Variants in IRAG2 observed in about 807,000 individuals in gnomAD.
IRAG2 encodes the protein lymphoid restricted membrane protein.
Under a neutral mutation model 69.9 loss-of-function variants are expected in IRAG2, and 45 were observed. The observed-to-expected ratio is 0.64, with a 90% CI of 0.51 to 0.83. The LOEUF (loss-of-function observed/expected upper bound fraction) is 0.83, where lower values mean the gene tolerates loss of function less well. Ranked by LOEUF, IRAG2 falls within the 40% of genes least tolerant of loss-of-function variation. IRAG2 has a pLI of 0.00. For missense variants in IRAG2, 520 were observed against 587.0 expected (o/e 0.89, Z 1.18); for synonymous variants, 193 against 202.4 (o/e 0.95, Z 0.40).
At chr12:25,083,333 G>C in intron 9 of IRAG2, 90 bp from the exon 10 acceptor site, 1 of 805,346 alleles carries the variant, frequency 1.2e-6, no homozygotes, top group East Asian at 2.4e-5. Flanking sequence ...GTCAGTTACT[G>C]GTCAGCCCAT....
chr12:25,042,560 G>A (rs1944758919), intron 16 of IRAG2, among the ~76,000 whole-genome samples: 2 of 152,056 alleles, frequency 1.3e-5, no homozygotes, highest in Non-Finnish European at 2.9e-5. Context: ...CTGCCTCCCA[G>A]GTTCAAGTGA....
At chr12:25,023,033 G>A in intron 7 of IRAG2, among the ~76,000 whole-genome samples, 1 of 151,696 alleles carries the variant, frequency 6.6e-6, no homozygotes, top group Non-Finnish European at 1.5e-5. Context: ...GGCTGAGGCA[G>A]GAGAATCACT....
upstream of IRAG2, among the ~76,000 whole-genome samples, chr12:25,001,538 T>C (rs1461286971): frequency 6.6e-6 from 1 of 152,132 alleles, no homozygotes; most frequent in African/African-American, 2.4e-5. Flanking sequence ...GCTAGGAACA[T>C]TAATCTAGGT....
chr12:25,029,599 A>T (rs979866587), intron 9 of IRAG2, among the ~76,000 whole-genome samples: 4 of 152,162 alleles, frequency 2.6e-5, no homozygotes, highest in African/African-American at 7.2e-5. Flanking sequence ...CTTGCTTTTG[A>T]TTTGAATAAA....
At chr12:25,040,409 AG>A (rs1297281564) in intron 16 of IRAG2, among the ~76,000 whole-genome samples, 1 of 152,086 alleles carries the variant, frequency 6.6e-6, no homozygotes, top group African/African-American at 2.4e-5. Context: ...TGGGAGGTTG[AG>A]GTGGAAGGAT....
At chr12:25,090,505 A>G (rs1947966537) in intron 14 of IRAG2, among the ~76,000 whole-genome samples, 1 of 152,168 alleles carries the variant, frequency 6.6e-6, no homozygotes, top group African/African-American at 2.4e-5. Flanking sequence ...TAATCACACC[A>G]TTGCATACCA....
At chr12:25,057,138 T>G (rs566497056) in intron 1 of IRAG2, among the ~76,000 whole-genome samples, 1 of 152,282 alleles carries the variant, frequency 6.6e-6, no homozygotes, top group East Asian at 1.9e-4. Context: ...GTTGCATGTC[T>G]GAGTGATGCA....
intron 17 of IRAG2, 145 bp from the exon 18 acceptor site, chr12:25,103,692 C>G: frequency 1.7e-6 from 1 of 574,158 alleles, no homozygotes; most frequent in African/African-American, 1.9e-5. Flanking sequence ...ACAATTTGGC[C>G]ACAAGAGGAT....
intron 8 of IRAG2, 90 bp from the exon 9 acceptor site, chr12:25,079,566 G>A: frequency 1.6e-6 from 2 of 1,288,432 alleles, no homozygotes; most frequent in Non-Finnish European, 2.3e-6. Context: ...AAGAACATAG[G>A]CAAATACTCC....
chr12:25,092,266 G>C (rs1311646843), intron 14 of IRAG2, among the ~76,000 whole-genome samples: 2 of 152,016 alleles, frequency 1.3e-5, no homozygotes, highest in Non-Finnish European at 2.9e-5. Context: ...CAGGTGTGGT[G>C]GTGGGCGCCT....
At chr12:25,011,295 A>G in intron 2 of IRAG2, 1 of 1,161,722 alleles carries the variant, frequency 8.6e-7, no homozygotes, top group Non-Finnish European at 1.1e-6. Context: ...GGAAACATTA[A>G]AGAGATAGGT....
chr12:25,030,055 T>C (rs796347244), intron 9 of IRAG2, among the ~76,000 whole-genome samples: 8 of 152,244 alleles, frequency 5.3e-5, no homozygotes, highest in African/African-American at 1.7e-4. Context: ...GTGTGCGACA[T>C]TGGGTGGGTG....
chr12:25,039,871 G>C (rs1010975765), intron 16 of IRAG2, among the ~76,000 whole-genome samples: 1 of 152,182 alleles, frequency 6.6e-6, no homozygotes, highest in Admixed American at 6.5e-5. Context: ...TTTGTCTAGA[G>C]GCTACTGTGT....
intron 1 of IRAG2, among the ~76,000 whole-genome samples, chr12:25,059,546 G>T (rs1332180610): frequency 6.6e-6 from 1 of 152,142 alleles, no homozygotes; most frequent in African/African-American, 2.4e-5. Flanking sequence ...TAGAGACAAG[G>T]TTTCACCATG....
chr12:25,099,030 C>T (rs775149117), intron 15 of IRAG2, among the ~76,000 whole-genome samples: 1 of 152,148 alleles, frequency 6.6e-6, no homozygotes, highest in Non-Finnish European at 1.5e-5. Flanking sequence ...CAGTTCTACC[C>T]CTTCTCCTGG....
chr12:25,030,938 G>C, intron 10 of IRAG2: 1 of 778,264 alleles, frequency 1.3e-6, no homozygotes, highest in African/African-American at 1.9e-5. Flanking sequence ...AACCCAATTT[G>C]ATTGATTGAT....
intron 13 of IRAG2, 74 bp downstream of exon 13, chr12:25,089,864 T>C: frequency 3.4e-6 from 5 of 1,487,174 alleles, no homozygotes; most frequent in Non-Finnish European, 1.9e-6. Context: ...CTTCATGTTT[T>C]GGCACAAGCT....
At chr12:25,050,499 A>G (rs930868439), upstream of IRAG2, among the ~76,000 whole-genome samples, 3 of 138,278 alleles carry the variant, frequency 2.2e-5, no homozygotes, top group Non-Finnish European at 3.1e-5. Flanking sequence ...AGTGCACTCC[A>G]GCCTGGAGAC....
chr12:25,071,740 T>TAC (rs1946350223), intron 6 of IRAG2, among the ~76,000 whole-genome samples: 1 of 151,914 alleles, frequency 6.6e-6, no homozygotes, highest in Non-Finnish European at 1.5e-5. Flanking sequence ...CTACTCTTAG[T>TAC]ACACTGAATT....
Sources: gnomAD v4.1 joint callset for allele counts (sites outside exome capture counted in the v4.1 genomes callset) on GRCh38, gnomAD v4.1.1 for gene constraint, MANE v1.5 for transcripts, NCBI Gene and HGNC (gene_info 2026-07-23, HGNC 2026-07-21) for gene names.